Variants in SPTA1 observed in about 807,000 individuals in gnomAD.
The protein encoded by SPTA1 is spectrin alpha, erythrocytic 1, also known as spectrin alpha chain, erythrocytic 1.
In SPTA1, 177 loss-of-function variants were observed where a neutral mutation model predicts 324.7. That is an observed-to-expected ratio of 0.55 (90% CI 0.48 to 0.62). The LOEUF is 0.62. Ranked by LOEUF, SPTA1 falls within the 20% of genes least tolerant of loss-of-function variation. The pLI, the probability that SPTA1 is intolerant of heterozygous loss-of-function variation, is 0.00. For missense variants in SPTA1, 3,162 were observed against 2,883.6 expected (o/e 1.10, Z -2.21); for synonymous variants, 1,195 against 1,041.3 (o/e 1.15, Z -2.84).
At position 158,615,420 on chromosome 1, in the gene SPTA1, G is replaced by A. The variant is rs2101750111; in HGVS notation, c.6601-17C>T. The A allele has an allele frequency of 6.2e-7, 1 of 1,613,574 alleles. No homozygotes were observed. Among genetic ancestry groups the A allele is most frequent in the East Asian group, 2.2e-5 (1 of 44,894 alleles). ...CTGTTTTCTCTGGAAAAACGACAGA[G>A]AAGAGAGACAATTAGTTGCCCAGGT... On this transcript the variant is annotated splice_polypyrimidine_tract_variant and intron_variant, in intron 47 of 51. Coordinates refer to ENST00000643759, the MANE Select transcript of SPTA1 (RefSeq NM_003126.4).
chr1:158,656,887 A>T (rs567786849), intron 19 of SPTA1, among the ~76,000 whole-genome samples: 2 of 152,220 alleles, frequency 1.3e-5, no homozygotes, highest in African/African-American at 4.8e-5. Flanking sequence ...TTGCAAAAGT[A>T]TTTTTATCAA....
Position 158,659,595 on chromosome 1 carries a change from A to ATTAT in SPTA1, c.2587+1691_2587+1692insATAA, listed in dbSNP as rs1345384278. On this transcript the variant is annotated intron_variant, in intron 18 of 51. Coordinates refer to ENST00000643759, the MANE Select transcript of SPTA1 (RefSeq NM_003126.4). ...AAAAGAAAATAATAGTCTTAGCATT[A>ATTAT]TTTTTTTTTTTTTTTTTTTTTTTTT... 1.0e-4 allele frequency among the ~76,000 whole-genome samples: 7 copies of ATTAT among 68,780 alleles called. 1 individual carries two copies. The highest frequency in any genetic ancestry group is 9.1e-4 in the South Asian group (1 of 1,094). The allele number at this position is 68,780 out of a possible 152,430, so 45.1% of individuals were successfully genotyped here. A position where few individuals can be genotyped will look rare whatever the true frequency, so the allele number is the denominator to read the frequency against.
chr1:158,649,830 C>G (rs1199628398), intron 25 of SPTA1, 26 bp downstream of exon 25: 2 of 1,590,252 alleles, frequency 1.3e-6, no homozygotes, highest in Non-Finnish European at 8.6e-7. Context: ...TAAAGCAGCA[C>G]TGCTTTTTAG....
rs1654955153 is a variant in SPTA1, at chr1:158,683,491, T to G, written c.270A>C (p.Lys90Asn). The G allele has an allele frequency of 3.1e-6, 5 of 1,612,920 alleles. No homozygotes were observed. The African/African-American group carries it at 6.7e-5, about 22-fold the overall frequency. ...CTTCAAGGGATTGATGCTTCTGATA[T>G]TTCCCCTAAAGTTTAGAAATCAGAG... ...SYEDPTNIQG[K>N]YQKHQSLEAE... The change falls in exon 3 of 52, where the codon AAA becomes AAC. Residue 90 changes from lysine (K) to asparagine (N), a missense_variant. By Grantham distance (94) the Lys-to-Asn change is moderately conservative. Transcript: ENST00000643759.
Position 158,672,112 on chromosome 1 carries a change from G to A in SPTA1, c.1435C>T (p.His479Tyr), listed in dbSNP as rs768751664. 1.2e-6 allele frequency: 2 copies of A among 1,614,054 alleles called. No homozygotes were observed. The highest frequency in any genetic ancestry group is 2.7e-5 in the African/African-American group (2 of 75,046). ...TGCTCACTGTCTCTGTAGAAGAGAT[G>A]AAAGTCCAAGCACTGCTCATACTGA... ...HRQYEQCLDF[H>Y]LFYRDSEQVD... The change falls in exon 11 of 52, where the codon CAT becomes TAT. Residue 479 changes from histidine to tyrosine, a missense_variant. By Grantham distance (83) the His-to-Tyr change is moderately conservative (BLOSUM62 2). Transcript: ENST00000643759.
rs200529208 is a variant in SPTA1, at chr1:158,669,714, C to T, written c.1672G>A (p.Asp558Asn). The T allele has an allele frequency of 1.3e-4, 212 of 1,614,128 alleles. No individual in the cohort carries two copies. The highest frequency in any genetic ancestry group is 1.7e-4 in the Non-Finnish European group (206 of 1,179,980). Residue 558 changes from aspartate to asparagine, a missense_variant, in exon 13 of 52, where the codon GAC (aspartate) becomes AAC (asparagine). By Grantham distance (23) the Asp-to-Asn change is conservative (BLOSUM62 1). Transcript: ENST00000643759. ...CTCTAGGCCCTTGGACATACCCCGT[C>T]ACGGATAGCCTTGATGTTCTCTGAA... ...YDSENIKAIR[D>N]GLLARRDALR...
rs1655070482 is a variant in SPTA1 at position 158,685,101 on chromosome 1, G to A, written c.264+7C>T. 3 of 1,613,550 alleles carry A rather than the reference G, an allele frequency of 1.9e-6. 1 individual carries two copies. Among genetic ancestry groups the A allele is most frequent in the African/African-American group, 1.3e-5 (1 of 75,020 alleles). On this transcript the variant is annotated splice_region_variant and intron_variant, in intron 2 of 51. Coordinates refer to ENST00000643759, the MANE Select transcript of SPTA1 (RefSeq NM_003126.4). ...CTGCTCTGAGGCAATCAAGAGAACT[G>A]AGTGACCTGTATATTAGTTGGGTCT...
At chr1:158,627,431 A>G (rs1650352690) in intron 40 of SPTA1, among the ~76,000 whole-genome samples, 194 bp downstream of exon 40, 1 of 152,224 alleles carries the variant, frequency 6.6e-6, no homozygotes, top group East Asian at 1.9e-4. Flanking sequence ...AAGAACTTGA[A>G]AAAAGAATTA....
rs979825295 is a variant in SPTA1, at chr1:158,645,400, G to A, written c.3997-15C>T. On this transcript the variant is annotated splice_polypyrimidine_tract_variant and intron_variant, in intron 28 of 51. Transcript: ENST00000643759. ...GCACGGTGCTCCTGTGGGAAAAAGG[G>A]GGAAGAAATCAGTGAGGCCAACTCC... 3.1e-6 allele frequency: 5 copies of A among 1,613,836 alleles called. No homozygotes were observed. The African/African-American group carries it at 5.3e-5, about 17-fold the overall frequency.
At chr1:158,649,275 C>G (rs1471306725) in intron 25 of SPTA1, among the ~76,000 whole-genome samples, 1 of 152,030 alleles carries the variant, frequency 6.6e-6, no homozygotes. Flanking sequence ...CTTCAAGTTT[C>G]TTTCTTTCTG....
intron 40 of SPTA1, among the ~76,000 whole-genome samples, chr1:158,627,284 C>A (rs1650344796): frequency 6.6e-6 from 1 of 152,158 alleles, no homozygotes. Context: ...CTCTTAGAGG[C>A]TTAGAAAGCA....
At chr1:158,670,159 C>T (rs1384084149) in intron 12 of SPTA1, among the ~76,000 whole-genome samples, 3 of 152,274 alleles carry the variant, frequency 2.0e-5, no homozygotes, top group East Asian at 3.9e-4. Flanking sequence ...TCAAATATAT[C>T]TCTATCTCTA....
intron 41 of SPTA1, 52 bp from the exon 42 acceptor site, chr1:158,626,274 C>T: frequency 1.9e-6 from 3 of 1,542,730 alleles, no homozygotes; most frequent in Middle Eastern, 1.7e-4. Context: ...TTGTTTGAGT[C>T]CTGGGAAGCA....
At chr1:158,674,705 A>C in intron 8 of SPTA1, 30 bp from the exon 9 acceptor site, 1 of 1,611,930 alleles carries the variant, frequency 6.2e-7, no homozygotes, top group East Asian at 2.2e-5. Context: ...AAAGACAGGA[A>C]GGAGAAACCA....
chr1:158,666,212 T>C, intron 16 of SPTA1, 104 bp downstream of exon 16: 3 of 1,170,338 alleles, frequency 2.6e-6, no homozygotes, highest in Non-Finnish European at 3.7e-6. Context: ...TTATTATTAC[T>C]TATTAAGTAA....
intron 35 of SPTA1, chr1:158,639,379 T>C: frequency 3.3e-6 from 2 of 611,090 alleles, no homozygotes; most frequent in Non-Finnish European, 5.8e-6. Context: ...TTAAAGTCTA[T>C]AGTTTAGGGA....
intron 39 of SPTA1, among the ~76,000 whole-genome samples, chr1:158,630,712 TGA>T (rs1169248120): frequency 1.3e-5 from 2 of 152,160 alleles, no homozygotes; most frequent in South Asian, 4.1e-4. Flanking sequence ...GCCCACTGAA[TGA>T]GAGTTAATAC....
intron 23 of SPTA1, 25 bp from the exon 24 acceptor site, chr1:158,651,493 C>T (rs888929273): frequency 1.3e-6 from 2 of 1,494,948 alleles, no homozygotes; most frequent in Admixed American, 3.3e-5. Context: ...TCATCCAAAG[C>T]AGTGTAAATT....
chr1:158,676,089 T>C (rs2101928592), intron 8 of SPTA1, 52 bp downstream of exon 8: 1 of 1,610,620 alleles, frequency 6.2e-7, no homozygotes, highest in Non-Finnish European at 8.5e-7. Flanking sequence ...CTCGCTATTA[T>C]ATCTGGGCCC....
Sources: allele counts gnomAD v4.1 joint callset (sites outside exome capture counted in the v4.1 genomes callset), GRCh38; gene constraint gnomAD v4.1.1; transcripts MANE v1.5; gene names NCBI Gene and HGNC (gene_info 2026-07-23, HGNC 2026-07-21).